PRKN: variants seen among roughly 807,000 people sequenced by gnomAD.
PRKN encodes the protein E3 ubiquitin-protein ligase parkin.
A neutral mutation model predicts 59.5 loss-of-function variants in PRKN; 56 were observed. That is an observed-to-expected ratio of 0.94 (90% CI 0.76 to 1.18). The LOEUF is 1.18. Among genes scored for constraint, PRKN ranks in the 50% most tolerant of loss-of-function variants. PRKN has a pLI of 0.00. For synonymous variants in PRKN, 250 were observed against 222.1 expected, an observed-to-expected ratio of 1.13 and a Z score of -1.12; for missense variants, 657 against 596.4, an observed-to-expected ratio of 1.10 and a Z score of -1.06.
intron 6 of PRKN, among the ~76,000 whole-genome samples, chr6:161,874,711 A>G (rs1239868259): frequency 8.4e-6 from 1 of 119,152 alleles, no homozygotes; most frequent in Non-Finnish European, 1.6e-5. Context: ...TATAATATAT[A>G]AAATGTACAA....
chr6:161,848,582 C>G (rs1266850471), intron 6 of PRKN, among the ~76,000 whole-genome samples: 1 of 152,136 alleles, frequency 6.6e-6, no homozygotes, highest in African/African-American at 2.4e-5. Flanking sequence ...CAGTTTTTCC[C>G]AAATGGGTAT....
Position 161,817,594 on chromosome 6 carries a change from A to G in PRKN, c.735-31686T>C, listed in dbSNP as rs183689648. Reference sequence around the variant, plus strand: ...GTAAAATGAAATATTGTAAACCTATATTGCTCAGTCCTCCACTTTATTTTT... The same window carrying G: ...GTAAAATGAAATATTGTAAACCTATGTTGCTCAGTCCTCCACTTTATTTTT... On this transcript the variant is annotated intron_variant, in intron 6 of 11. Coordinates refer to ENST00000366898, the MANE Select transcript of PRKN (RefSeq NM_004562.3). 3.9e-3 allele frequency among the ~76,000 whole-genome samples: 601 copies of G among 152,342 alleles called. 1 individual carries two copies. The highest frequency in any genetic ancestry group is 0.013 in the African/African-American group (541 of 41,580).
Position 161,588,880 on chromosome 6 carries a change from A to C in PRKN, c.872-19464T>G, listed in dbSNP as rs759332406. ...TAAATTTGAGTTTCAGTAAAGTACC[A>C]AGTCCTTTTTTTTTAGCCTAAGCCT... On this transcript the variant is annotated intron_variant, in intron 7 of 11. Transcript: ENST00000366898. This position sits in a 1 kb window ranked among gnomAD's most constrained non-coding sequence, Gnocchi z 5.0. Among the ~76,000 whole-genome samples, 1 of 152,166 alleles carries C rather than the reference A, an allele frequency of 6.6e-6. No homozygotes were observed. Among genetic ancestry groups the C allele is most frequent in the Non-Finnish European group, 1.5e-5 (1 of 68,022 alleles).
chr6:161,867,759 T>TTATTTATGTATTTATG (rs1274373598), intron 6 of PRKN, among the ~76,000 whole-genome samples: 5,935 of 150,212 alleles, frequency 0.04, 411 homozygotes, highest in African/African-American at 0.14. Context: ...ATTTATTTAT[T>TTATTTATGTATTTATG]TATTTATTTA....
chr6:161,866,566 C>A (rs1794119938), intron 6 of PRKN, among the ~76,000 whole-genome samples: 1 of 151,950 alleles, frequency 6.6e-6, no homozygotes, highest in Admixed American at 6.6e-5. Context: ...CAGAGTAATA[C>A]TCTGTTTAAA....
chr6:162,499,376 T>C (rs1047404677), intron 1 of PRKN, among the ~76,000 whole-genome samples: 14 of 152,182 alleles, frequency 9.2e-5, no homozygotes, highest in Non-Finnish European at 2.1e-4. Context: ...GGGCTTTCCT[T>C]TGTCATAGCA....
chr6:162,249,414 G>A (rs1002671530), intron 3 of PRKN, among the ~76,000 whole-genome samples: 4 of 152,074 alleles, frequency 2.6e-5, no homozygotes, highest in Admixed American at 6.6e-5. Flanking sequence ...CAAACACAGC[G>A]GCACGCTAGT....
At chr6:162,384,233 A>G (rs556974581) in intron 2 of PRKN, among the ~76,000 whole-genome samples, 1 of 152,298 alleles carries the variant, frequency 6.6e-6, no homozygotes, top group South Asian at 2.1e-4. Context: ...TGGCTTCCTC[A>G]TTGAGCTAAA....
intron 7 of PRKN, among the ~76,000 whole-genome samples, chr6:161,721,136 T>C (rs562049482): frequency 6.6e-6 from 1 of 152,308 alleles, no homozygotes; most frequent in Non-Finnish European, 1.5e-5. Flanking sequence ...AGATAAATTG[T>C]TATTGTTGTT....
chr6:161,468,660 GT>G lies in PRKN; in HGVS notation c.1083+80193del, dbSNP rs1456693206. On this transcript the variant is annotated intron_variant, in intron 9 of 11. Transcript: ENST00000366898. This position sits in a 1 kb window ranked among gnomAD's most constrained non-coding sequence, Gnocchi z 5.9. ...ACCACAGTCTAAGTTACCATCTCCT[GT>G]CCTTGCATCCATGGCCGGGGAATTA... 1.3e-5 allele frequency among the ~76,000 whole-genome samples: 2 copies of G among 152,178 alleles called. No homozygotes were observed. Among genetic ancestry groups the G allele is most frequent in the Non-Finnish European group, 2.9e-5 (2 of 68,038 alleles).
intron 1 of PRKN, among the ~76,000 whole-genome samples, chr6:162,549,675 G>A (rs1378139265): frequency 5.0e-5 from 7 of 138,966 alleles, no homozygotes; most frequent in Admixed American, 4.6e-4. Flanking sequence ...GTCTTGCTCT[G>A]TGGCCCAGGC....
intron 2 of PRKN, among the ~76,000 whole-genome samples, chr6:162,267,912 G>A (rs996790137): frequency 1.3e-5 from 2 of 151,890 alleles, no homozygotes; most frequent in African/African-American, 2.4e-5. Context: ...TTCCTTCAAC[G>A]GCACATAGTT....
intron 3 of PRKN, among the ~76,000 whole-genome samples, chr6:162,210,877 G>A (rs1421744563): frequency 1.3e-5 from 2 of 152,118 alleles, no homozygotes; most frequent in African/African-American, 2.4e-5. Flanking sequence ...TATGGTTGTG[G>A]AATGGTACTA....
chr6:162,574,129 T>A (rs868109191), intron 1 of PRKN, among the ~76,000 whole-genome samples: 1 of 152,174 alleles, frequency 6.6e-6, no homozygotes, highest in South Asian at 2.1e-4. Context: ...GGCTGCTGAT[T>A]AGCCCTCTGA....
intron 1 of PRKN, among the ~76,000 whole-genome samples, chr6:162,510,155 C>T (rs1257891288): frequency 2.6e-5 from 4 of 152,196 alleles, no homozygotes; most frequent in African/African-American, 4.8e-5. Flanking sequence ...AGTCGGCACC[C>T]AACACCGACA....
At position 161,554,800 on chromosome 6, in the gene PRKN, A is replaced by G. The variant is rs1012246085; in HGVS notation, c.934-5797T>C. ...CATACTTCCCCCTTGAGTATCTGAA[A>G]TCTCTTACTTCATGTTCTTCTGGTA... On this transcript the variant is annotated intron_variant, in intron 8 of 11. Coordinates refer to ENST00000366898, the MANE Select transcript of PRKN (RefSeq NM_004562.3). The surrounding 1 kb of genome is among the most constrained non-coding windows in gnomAD (Gnocchi z 4.5). Among the ~76,000 whole-genome samples, 1 of 151,226 alleles carries G rather than the reference A, an allele frequency of 6.6e-6. No homozygotes were observed. The highest frequency in any genetic ancestry group is 2.4e-5 in the African/African-American group (1 of 41,220).
rs560004170 is a variant in PRKN, at chr6:162,713,098, T to C, written c.7+14564A>G. 3.3e-4 allele frequency among the ~76,000 whole-genome samples: 51 copies of C among 152,352 alleles called. No individual in the cohort carries two copies. In the East Asian group the frequency reaches 5.4e-3, roughly 16 times the overall value. On this transcript the variant is annotated intron_variant, in intron 1 of 11. Coordinates refer to ENST00000366898, the MANE Select transcript of PRKN (RefSeq NM_004562.3). The stretch of plus-strand genomic sequence containing the variant: ...GAAGTGCTACTAGACATGGGCAATA[T>C]ACTTTTTAAATTCCAAACTTGATTT...
At chr6:162,408,149 T>C (rs1258079700) in intron 2 of PRKN, among the ~76,000 whole-genome samples, 2 of 152,144 alleles carry the variant, frequency 1.3e-5, no homozygotes, top group Admixed American at 6.6e-5. Context: ...CCCTCATTAG[T>C]AGTCACATGG....
chr6:162,697,404 AT>A (rs1778009387), intron 1 of PRKN, among the ~76,000 whole-genome samples: 3 of 152,228 alleles, frequency 2.0e-5, no homozygotes, highest in African/African-American at 7.2e-5. Context: ...TGTAGCCTCA[AT>A]AAACACAAAG....
Sources: gnomAD v4.1 joint callset for allele counts (sites outside exome capture counted in the v4.1 genomes callset) on GRCh38, gnomAD v4.1.1 for gene constraint, Gnocchi (gnomAD v3.1) non-coding constraint, MANE v1.5 for transcripts, NCBI Gene and HGNC (gene_info 2026-07-23, HGNC 2026-07-21) for gene names.